Variants in TRRAP observed in about 807,000 individuals in gnomAD.
The protein encoded by TRRAP is transformation/transcription domain-associated protein.
A neutral mutation model predicts 438.8 loss-of-function variants in TRRAP; 41 were observed. That is an observed-to-expected ratio of 0.09 (90% CI 0.07 to 0.12). TRRAP has a LOEUF of 0.12. TRRAP is among the 10% of genes least tolerant of loss of function. TRRAP has a pLI of 1.00. For missense variants in TRRAP, 3,122 were observed against 5,055.1 expected, an observed-to-expected ratio of 0.62 and a Z score of 11.60; for synonymous variants, 1,994 against 1,962.9, an observed-to-expected ratio of 1.02 and a Z score of -0.42.
rs782529536 is a variant in TRRAP at position 98,910,584 on chromosome 7, A to G, written c.1789A>G (p.Met597Val). The stretch of plus-strand genomic sequence containing the variant: ...TTACATCAAACTTGTGAAATATGCA[A>G]TGCAAGCTTTAGATATTTATCAGGT... ...QIYIKLVKYA[M>V]QALDIYQVQI... is the part of the protein sequence containing the mutation. The change falls in exon 16 of 73, where the codon ATG (methionine) becomes GTG (valine). Residue 597 changes from methionine to valine, a missense_variant. Physicochemically the swap from Met to Val is conservative, Grantham distance 21. This residue lies in a region of TRRAP where 149 missense variants were observed against 302.8 expected (regional missense o/e 0.49). Transcript: ENST00000456197. 8 of 1,613,542 alleles carry G rather than the reference A, an allele frequency of 5.0e-6. No homozygotes were observed. The highest frequency in any genetic ancestry group is 1.3e-5 in the African/African-American group (1 of 74,900).
At chr7:98,985,360 T>G (rs1793103216) in intron 62 of TRRAP, among the ~76,000 whole-genome samples, 1 of 152,238 alleles carries the variant, frequency 6.6e-6, no homozygotes, top group Non-Finnish European at 1.5e-5. Context: ...TGGAGATGAT[T>G]CCTGCTTTAG....
intron 3 of TRRAP, among the ~76,000 whole-genome samples, chr7:98,889,448 GT>G (rs1401981391): frequency 6.6e-6 from 1 of 151,990 alleles, no homozygotes; most frequent in East Asian, 1.9e-4. Context: ...TATCCCCAGA[GT>G]TTAGGTAACT....
chr7:98,950,863 A>AT lies in TRRAP; in HGVS notation c.5335-5dup, dbSNP rs782766940. The stretch of plus-strand genomic sequence containing the variant: ...TTTGTTTTTCTCCTTCTTTATTTAA[A>AT]TTTTTTTTGTAGGTTCTGCAGCATA... On this transcript the variant is annotated splice_polypyrimidine_tract_variant and intron_variant, in intron 38 of 72. Transcript: ENST00000456197. 2.5e-5 allele frequency: 37 copies of AT among 1,509,432 alleles called. No homozygotes were observed. The highest frequency in any genetic ancestry group is 9.5e-5 in the South Asian group (7 of 73,434). The allele number at this position is 1,509,432 out of a possible 1,614,324, so 93.5% of individuals were successfully genotyped here.
intron 32 of TRRAP, 25 bp downstream of exon 32, chr7:98,945,825 GT>G (rs2116589633): frequency 6.3e-7 from 1 of 1,594,472 alleles, no homozygotes; most frequent in South Asian, 1.1e-5. Flanking sequence ...TTAACAGTCA[GT>G]TTCTGACTTG....
At chr7:98,931,779 G>A in intron 26 of TRRAP, 114 bp downstream of exon 26, 1 of 1,450,552 alleles carries the variant, frequency 6.9e-7, no homozygotes, top group Non-Finnish European at 9.3e-7. Flanking sequence ...GTATCTGTGG[G>A]GCCTTGGTTC....
intron 13 of TRRAP, among the ~76,000 whole-genome samples, chr7:98,906,781 A>T (rs900423418): frequency 1.3e-5 from 2 of 152,124 alleles, no homozygotes; most frequent in Non-Finnish European, 2.9e-5. Flanking sequence ...TTTGTGCTCT[A>T]GCTTAAAGGA....
At chr7:99,002,816 A>C (rs1432697565) in intron 67 of TRRAP, among the ~76,000 whole-genome samples, 1 of 152,162 alleles carries the variant, frequency 6.6e-6, no homozygotes, top group Admixed American at 6.5e-5. Flanking sequence ...GGAATAGGCC[A>C]CTCGTATAGC....
intron 3 of TRRAP, among the ~76,000 whole-genome samples, chr7:98,883,286 A>T (rs1657263329): frequency 6.6e-6 from 1 of 151,432 alleles, no homozygotes; most frequent in East Asian, 1.9e-4. Context: ...TATTTTTTTA[A>T]ATTTTAGTTA....
chr7:98,970,238 A>C lies in TRRAP; in HGVS notation c.7639A>C (p.Thr2547Pro). 6.2e-7 allele frequency: 1 copy of C among 1,613,636 alleles called. No individual in the cohort carries two copies. Among genetic ancestry groups the C allele is most frequent in the Non-Finnish European group, 8.5e-7 (1 of 1,180,004 alleles). ...CGACCGTGCCGCCTTCGCCATGGTC[A>C]CACATGTCAAGCAGGAGCCCCGGGA... ...SHDRAAFAMVTHVKQEPRERE... is the reference protein window; with the variant it reads ...SHDRAAFAMVPHVKQEPRERE... Residue 2547 changes from threonine to proline, a missense_variant, in exon 52 of 73, where the codon ACA (threonine) becomes CCA (proline). Around this residue, in one of 24 missense-constraint regions of TRRAP, gnomAD observed 992 missense variants for 1,281.2 expected, o/e 0.77. Transcript: ENST00000456197.
intron 49 of TRRAP, among the ~76,000 whole-genome samples, chr7:98,966,398 C>T (rs1792161397): frequency 6.6e-6 from 1 of 151,948 alleles, no homozygotes; most frequent in Non-Finnish European, 1.5e-5. Context: ...CTTTGCTCCT[C>T]TTAAAATGTT....
At chr7:98,903,089 T>G (rs562179168) in intron 11 of TRRAP, among the ~76,000 whole-genome samples, 5 of 152,234 alleles carry the variant, frequency 3.3e-5, no homozygotes, top group Non-Finnish European at 5.9e-5. Flanking sequence ...TGGCTTGATC[T>G]TGCCTCACTG....
At chr7:98,996,569 C>T (rs1793670016) in intron 67 of TRRAP, among the ~76,000 whole-genome samples, 1 of 152,234 alleles carries the variant, frequency 6.6e-6, no homozygotes, top group African/African-American at 2.4e-5. Context: ...CATTTAAAAG[C>T]TTAATTACTG....
intron 27 of TRRAP, 31 bp from the exon 28 acceptor site, chr7:98,935,548 G>A: frequency 6.3e-7 from 1 of 1,576,646 alleles, no homozygotes; most frequent in Non-Finnish European, 8.7e-7. Context: ...CAGGAAGAGT[G>A]GGCTAAATGA....
Position 98,945,732 on chromosome 7 carries a change from C to T in TRRAP, c.4474-15C>T. The T allele has an allele frequency of 6.3e-7, 1 of 1,596,408 alleles. No homozygotes were observed. Among genetic ancestry groups the T allele is most frequent in the Non-Finnish European group, 8.5e-7 (1 of 1,179,266 alleles). ...ACATAAATAGAAAAAAGATGATTTT[C>T]CTCCCCATCCTCAGGAAAGCATTTC... On this transcript the variant is annotated splice_polypyrimidine_tract_variant and intron_variant, in intron 31 of 72. Coordinates refer to ENST00000456197, the MANE Select transcript of TRRAP (RefSeq NM_001375524.1).
intron 69 of TRRAP, among the ~76,000 whole-genome samples, chr7:99,008,127 A>G (rs796154652): frequency 1.4e-4 from 22 of 152,264 alleles, no homozygotes; most frequent in African/African-American, 5.1e-4. Context: ...TCCGGCCAAG[A>G]TGTCTTTTTA....
intron 30 of TRRAP, among the ~76,000 whole-genome samples, chr7:98,941,682 T>C (rs1343572464): frequency 6.6e-6 from 1 of 152,182 alleles, no homozygotes; most frequent in Non-Finnish European, 1.5e-5. Flanking sequence ...GTGATTAATA[T>C]CTTTCAGGGA....
At chr7:98,917,289 C>G in intron 19 of TRRAP, 134 bp from the exon 20 acceptor site, 1 of 1,261,184 alleles carries the variant, frequency 7.9e-7, no homozygotes. Context: ...AGGGTGGAGT[C>G]TAAGGGCACA....
Position 98,935,644 on chromosome 7 carries a change from G to A in TRRAP, c.4080G>A (p.Pro1360=), listed in dbSNP as rs374276067. 5.0e-6 allele frequency: 8 copies of A among 1,603,908 alleles called. No homozygotes were observed. The East Asian group carries it at 1.1e-4, about 22-fold the overall frequency. Residue 1360 remains proline (P), a synonymous_variant, in exon 28 of 73, where the codon CCG becomes CCA. Transcript: ENST00000456197. The part of the protein sequence containing the change: ...LTKLPCYKSL[P]SLVPLRIAAL... The stretch of plus-strand genomic sequence containing the variant: ...AGCTGCCCTGTTATAAAAGCCTTCC[G>A]TCACTCGTACCTTTACGAATTGCGG...
At chr7:98,960,586 G>GTT (rs758913049) in intron 45 of TRRAP, among the ~76,000 whole-genome samples, 4 of 152,042 alleles carry the variant, frequency 2.6e-5, no homozygotes, top group Non-Finnish European at 5.9e-5. Flanking sequence ...AAGGATATTT[G>GTT]TTTTTTGTTT....
Sources: allele counts gnomAD v4.1 joint callset (sites outside exome capture counted in the v4.1 genomes callset), GRCh38; gene constraint gnomAD v4.1.1; regional missense constraint gnomAD v4.1.1; transcripts MANE v1.5; gene names NCBI Gene and HGNC (gene_info 2026-07-23, HGNC 2026-07-21).